Variants in NHSL2 observed in about 807,000 individuals in gnomAD.
NHSL2 encodes NHS like 2, also known as NHS-like protein 2.
Under a neutral mutation model 53.4 loss-of-function variants are expected in NHSL2, and 27 were observed. The ratio of observed to expected loss-of-function variants is 0.51; its 90% CI spans 0.37 to 0.70. The LOEUF is 0.70. NHSL2 is among the 30% of genes least tolerant of loss of function. The pLI is 0.00. For missense variants in NHSL2, 892 were observed against 980.1 expected, an observed-to-expected ratio of 0.91 and a Z score of 1.20; for synonymous variants, 408 against 404.1, an observed-to-expected ratio of 1.01 and a Z score of -0.12.
chrX:71,982,536 G>C (rs2041984204), intron 1 of NHSL2, among the ~76,000 whole-genome samples: 1 of 112,218 alleles, frequency 8.9e-6, no homozygotes, highest in Non-Finnish European at 1.9e-5. Context: ...GGCATGAATA[G>C]AGGGTTGGGA....
At chrX:72,028,888 A>G (rs937670098) in intron 1 of NHSL2, among the ~76,000 whole-genome samples, 1 of 112,190 alleles carries the variant, frequency 8.9e-6, no homozygotes, top group African/African-American at 3.2e-5. Flanking sequence ...TCATATGTGG[A>G]CCAAGCGTTG....
intron 1 of NHSL2, among the ~76,000 whole-genome samples, chrX:71,920,497 G>A: frequency 9.1e-6 from 1 of 110,460 alleles, no homozygotes; most frequent in Non-Finnish European, 1.9e-5. Flanking sequence ...TACTAATGCT[G>A]TGGCTCCACC....
At chrX:72,074,275 G>A (rs1418910238) in intron 1 of NHSL2, among the ~76,000 whole-genome samples, 1 of 112,543 alleles carries the variant, frequency 8.9e-6, no homozygotes, top group Non-Finnish European at 1.9e-5. Flanking sequence ...AGTTGACCTG[G>A]CTCTTTCATC....
chrX:72,059,208 A>G (rs1018796775), intron 1 of NHSL2, among the ~76,000 whole-genome samples: 2 of 110,253 alleles, frequency 1.8e-5, no homozygotes, highest in Non-Finnish European at 3.8e-5. Flanking sequence ...ACCATGGTCT[A>G]TTCTCCCTGT....
intron 1 of NHSL2, chrX:72,131,431 C>G: frequency 8.3e-7 from 1 of 1,211,152 alleles, no homozygotes. Context: ...CAGGGCTCTC[C>G]CGAGCTGGAG....
chrX:72,049,009 A>AGAAGAAGAAGAAGAAGAGGAAGAG (rs1556340802), intron 1 of NHSL2, among the ~76,000 whole-genome samples: 9 of 86,135 alleles, frequency 1.0e-4, no homozygotes, highest in African/African-American at 3.4e-4. Flanking sequence ...AAGAAGAAGA[A>AGAAGAAGAAGAAGAAGAGGAAGAG]GAAGAGGAAG....
chrX:72,013,359 A>G (rs1407253579), intron 1 of NHSL2, among the ~76,000 whole-genome samples: 1 of 111,954 alleles, frequency 8.9e-6, no homozygotes, highest in Non-Finnish European at 1.9e-5. Flanking sequence ...TAGAAATACA[A>G]TTTATTTTTG....
intron 1 of NHSL2, among the ~76,000 whole-genome samples, chrX:72,106,947 C>T (rs942686184): frequency 5.0e-5 from 5 of 99,414 alleles, no homozygotes; most frequent in Admixed American, 1.1e-4. Context: ...GGGAACATCA[C>T]ACACCGGGGC....
At chrX:72,081,184 G>T (rs917787581) in intron 1 of NHSL2, among the ~76,000 whole-genome samples, 1 of 112,340 alleles carries the variant, frequency 8.9e-6, no homozygotes. Flanking sequence ...GTGCTGTTTG[G>T]CATGGAGAAG....
chrX:72,138,746 A>G lies in NHSL2; in HGVS notation c.1198A>G (p.Met400Val), dbSNP rs767478539. 8.3e-7 allele frequency: 1 copy of G among 1,209,594 alleles called. No homozygotes were observed. The highest frequency in any genetic ancestry group is 1.1e-6 in the Non-Finnish European group (1 of 893,869). The change falls in exon 6 of 8, where the codon ATG (methionine) becomes GTG (valine). Residue 400 changes from methionine to valine, a missense_variant. Met to Val is a conservative substitution (Grantham distance 21, BLOSUM62 1). Coordinates refer to ENST00000633930, the MANE Select transcript of NHSL2 (RefSeq NM_001013627.3). ...CTGGAAGGGAGATGCTTTTACCTAC[A>G]TGACTCCAAGTGCCACCAGCCAGAG... ...TSWKGDAFTY[M>V]TPSATSQSNQ...
intron 1 of NHSL2, among the ~76,000 whole-genome samples, chrX:72,116,791 G>T (rs2042142614): frequency 9.0e-6 from 1 of 111,106 alleles, no homozygotes; most frequent in African/African-American, 3.3e-5. Context: ...ACAGCTAGGG[G>T]GTGCTCATGG....
rs58641047 is a variant in NHSL2 at position 72,043,981 on chromosome X, T to C, written c.281-88098T>C. Among the ~76,000 whole-genome samples the C allele has an allele frequency of 2.1e-3, 232 of 112,083 alleles. 1 individual carries two copies. Among genetic ancestry groups the C allele is most frequent in the African/African-American group, 6.9e-3 (212 of 30,856 alleles). On this transcript the variant is annotated intron_variant, in intron 1 of 7. Coordinates refer to ENST00000633930, the MANE Select transcript of NHSL2 (RefSeq NM_001013627.3). ...TATGTCATACACTCCCTGTGTTATA[T>C]TGGGGATACAGAAATAAATGAAGCT...
At chrX:72,133,961 G>A in intron 2 of NHSL2, 130 bp from the exon 3 acceptor site, 1 of 660,516 alleles carries the variant, frequency 1.5e-6, no homozygotes. Flanking sequence ...TCAAACACCT[G>A]GAAATAGCCT....
intron 1 of NHSL2, among the ~76,000 whole-genome samples, chrX:71,985,792 A>G (rs1256413584): frequency 8.9e-6 from 1 of 112,140 alleles, no homozygotes; most frequent in Non-Finnish European, 1.9e-5. Context: ...GAGTCTTGAA[A>G]GTTTTTCCTC....
chrX:72,032,089 T>G (rs1426480941), intron 1 of NHSL2, among the ~76,000 whole-genome samples: 2 of 103,139 alleles, frequency 1.9e-5, no homozygotes, highest in African/African-American at 7.6e-5. Flanking sequence ...GCCACTGAAG[T>G]AAAAAAAAAA....
intron 1 of NHSL2, among the ~76,000 whole-genome samples, chrX:71,966,441 T>C (rs765690701): frequency 1.3e-3 from 148 of 111,322 alleles, no homozygotes; most frequent in Non-Finnish European, 2.3e-3. Flanking sequence ...GTGTAGATGC[T>C]CTTTATAAAG....
chrX:72,098,468 C>T (rs1020295798), intron 1 of NHSL2, among the ~76,000 whole-genome samples: 22 of 109,371 alleles, frequency 2.0e-4, no homozygotes, highest in African/African-American at 7.3e-4. Flanking sequence ...GTAGTCCCAG[C>T]TACTCAGCTG....
At chrX:71,955,882 C>T (rs990248291) in intron 1 of NHSL2, among the ~76,000 whole-genome samples, 8 of 110,520 alleles carry the variant, frequency 7.2e-5, no homozygotes, top group Admixed American at 5.7e-4. Flanking sequence ...GTTAGTCCTT[C>T]GCCTCTCCCT....
chrX:72,029,524 T>C (rs2042203431), intron 1 of NHSL2, among the ~76,000 whole-genome samples: 1 of 112,794 alleles, frequency 8.9e-6, no homozygotes, highest in Non-Finnish European at 1.9e-5. Context: ...TGCTAACTTA[T>C]CCTTGTCCAC....
Sources: gnomAD v4.1 joint callset for allele counts (sites outside exome capture counted in the v4.1 genomes callset) on GRCh38, gnomAD v4.1.1 for gene constraint, MANE v1.5 for transcripts, NCBI Gene and HGNC (gene_info 2026-07-23, HGNC 2026-07-21) for gene names.